Variants in CNTN4 observed in about 807,000 individuals in gnomAD.
CNTN4 encodes the protein contactin 4, also known as contactin-4.
In CNTN4, 77 loss-of-function variants were observed where a neutral mutation model predicts 122.5. The observed-to-expected ratio is 0.63, with a 90% CI of 0.52 to 0.76. The LOEUF (loss-of-function observed/expected upper bound fraction) is 0.76, where lower values mean the gene tolerates loss of function less well. CNTN4 is among the 30% of genes least tolerant of loss of function. The probability of loss-of-function intolerance (pLI) is 0.00; values close to 1 mark genes in which losing one functional copy is unlikely to be tolerated. For missense variants in CNTN4, 1,256 were observed against 1,259.1 expected (o/e 1.00, Z 0.04); for synonymous variants, 512 against 447.0 (o/e 1.15, Z -1.83).
chr3:2,836,113 A>G (rs572298647), intron 7 of CNTN4, among the ~76,000 whole-genome samples: 1 of 152,282 alleles, frequency 6.6e-6, no homozygotes, highest in South Asian at 2.1e-4. Flanking sequence ...AAACATCCGG[A>G]TGAAATGAAT....
intron 12 of CNTN4, among the ~76,000 whole-genome samples, chr3:2,909,424 C>G: frequency 7.0e-6 from 1 of 143,218 alleles, no homozygotes; most frequent in South Asian, 2.2e-4. Flanking sequence ...AAGGTTTGGG[C>G]TTTTTTTTTT....
intron 2 of CNTN4, among the ~76,000 whole-genome samples, chr3:2,285,910 T>C (rs924588662): frequency 3.3e-5 from 5 of 152,170 alleles, no homozygotes; most frequent in Non-Finnish European, 7.4e-5. Flanking sequence ...CATTTGTAGA[T>C]GTATGTACTT....
At chr3:2,128,560 CTG>C (rs1208979900) in intron 2 of CNTN4, among the ~76,000 whole-genome samples, 1 of 152,100 alleles carries the variant, frequency 6.6e-6, no homozygotes, top group Non-Finnish European at 1.5e-5. Flanking sequence ...AATCTGAAGA[CTG>C]TGATCGACAC....
chr3:2,572,387 A>G lies in CNTN4; in HGVS notation c.55+829A>G, dbSNP rs150913629. On this transcript the variant is annotated intron_variant, in intron 4 of 24. Coordinates refer to ENST00000418658, the MANE Select transcript of CNTN4 (RefSeq NM_175607.3). ...GGCAACAGAGTGAGGCTCGGTCTCA[A>G]AAAAATAAAAAAAGAAAAGAAAAGA... 1.4e-4 allele frequency among the ~76,000 whole-genome samples: 21 copies of G among 152,310 alleles called. No individual in the cohort carries two copies. In the East Asian group the frequency reaches 4.1e-3, roughly 29 times the overall value.
intron 14 of CNTN4, among the ~76,000 whole-genome samples, chr3:2,989,596 C>T (rs1694879433): frequency 6.6e-6 from 1 of 152,150 alleles, no homozygotes; most frequent in South Asian, 2.1e-4. Context: ...CATTAACATA[C>T]TTGACCATGC....
intron 4 of CNTN4, among the ~76,000 whole-genome samples, chr3:2,674,107 C>G (rs1257883781): frequency 6.6e-6 from 1 of 152,124 alleles, no homozygotes; most frequent in Non-Finnish European, 1.5e-5. Flanking sequence ...AATAATAAAT[C>G]ATTATTGTTT....
At chr3:2,120,399 A>ATTT (rs2033680481) in intron 2 of CNTN4, among the ~76,000 whole-genome samples, 5 of 30,748 alleles carry the variant, frequency 1.6e-4, no homozygotes, top group African/African-American at 4.8e-4. Flanking sequence ...ATATATATAT[A>ATTT]TATATATTTT....
chr3:2,110,215 T>C (rs2032834216), intron 2 of CNTN4, among the ~76,000 whole-genome samples: 1 of 152,230 alleles, frequency 6.6e-6, no homozygotes. Flanking sequence ...AGCTGTGTGA[T>C]CTCAAACACA....
chr3:2,824,658 T>C (rs2092949548), intron 7 of CNTN4, among the ~76,000 whole-genome samples: 1 of 152,110 alleles, frequency 6.6e-6, no homozygotes, highest in African/African-American at 2.4e-5. Context: ...TTTAAAATAA[T>C]TCATCTATTT....
intron 2 of CNTN4, among the ~76,000 whole-genome samples, chr3:2,211,045 A>T (rs1345583670): frequency 6.6e-6 from 1 of 152,120 alleles, no homozygotes; most frequent in Non-Finnish European, 1.5e-5. Context: ...GTAAGAAAAG[A>T]GGTTTAATTG....
At chr3:2,891,967 G>A (rs541307815) in intron 10 of CNTN4, among the ~76,000 whole-genome samples, 2 of 152,352 alleles carry the variant, frequency 1.3e-5, no homozygotes, top group South Asian at 2.1e-4. Flanking sequence ...GGACGTAAGA[G>A]AGGAAGAGAA....
chr3:2,929,370 A>G (rs955255206), intron 13 of CNTN4, among the ~76,000 whole-genome samples: 4 of 152,252 alleles, frequency 2.6e-5, no homozygotes, highest in African/African-American at 9.6e-5. Context: ...TTGACCTATT[A>G]AAAACAAAAA....
At chr3:2,100,851 C>G (rs961270631) in intron 2 of CNTN4, among the ~76,000 whole-genome samples, 2 of 152,130 alleles carry the variant, frequency 1.3e-5, no homozygotes, top group Non-Finnish European at 2.9e-5. Context: ...TGCTGATAAA[C>G]GTCATTATTT....
intron 2 of CNTN4, among the ~76,000 whole-genome samples, chr3:2,169,091 C>G (rs1012095333): frequency 1.3e-5 from 2 of 152,038 alleles, no homozygotes; most frequent in East Asian, 1.9e-4. Context: ...TTTTGAGAGT[C>G]TAATATATAT....
intron 3 of CNTN4, among the ~76,000 whole-genome samples, chr3:2,517,334 T>C (rs1439897429): frequency 6.6e-6 from 1 of 152,110 alleles, no homozygotes; most frequent in East Asian, 1.9e-4. Flanking sequence ...ATGGAAACTA[T>C]ATAGCAGTTT....
intron 4 of CNTN4, among the ~76,000 whole-genome samples, chr3:2,669,852 C>G (rs2084398207): frequency 6.6e-6 from 1 of 152,094 alleles, no homozygotes; most frequent in Non-Finnish European, 1.5e-5. Flanking sequence ...CGTTATGTAC[C>G]CAGTAGTCAT....
intron 6 of CNTN4, among the ~76,000 whole-genome samples, chr3:2,769,040 T>C (rs953532036): frequency 5.9e-5 from 9 of 152,218 alleles, no homozygotes; most frequent in Non-Finnish European, 2.9e-5. Context: ...AACACATCCT[T>C]ACTAGTAGGT....
chr3:2,660,275 T>A (rs1400765429), intron 4 of CNTN4, among the ~76,000 whole-genome samples: 1 of 151,926 alleles, frequency 6.6e-6, no homozygotes, highest in Admixed American at 6.6e-5. Flanking sequence ...AGAAATAGAG[T>A]TATGAGTCTG....
rs1487873146 is a variant in CNTN4 at position 2,110,713 on chromosome 3, G to C, written c.-145+10074G>C. 2.1e-5 allele frequency: 3 copies of C among 145,204 alleles called. No individual in the cohort carries two copies. The East Asian group carries it at 6.2e-4, about 30-fold the overall frequency. The allele number at this position is 145,204 out of a possible 1,614,324, so 9.0% of individuals were successfully genotyped here. ...TCGGAGTGAGACTGTGAAGGGGCCTGTTTCTCCCCTCCCCGCCTTTTTTTT... is the reference window on the plus strand; with the variant it reads ...TCGGAGTGAGACTGTGAAGGGGCCTCTTTCTCCCCTCCCCGCCTTTTTTTT... On this transcript the variant is annotated intron_variant, in intron 2 of 24. Transcript: ENST00000418658.
Sources: allele counts gnomAD v4.1 joint callset (sites outside exome capture counted in the v4.1 genomes callset), GRCh38; gene constraint gnomAD v4.1.1; transcripts MANE v1.5; gene names NCBI Gene and HGNC (gene_info 2026-07-23, HGNC 2026-07-21).